Variants in RB1 observed in about 807,000 individuals in gnomAD.
RB1 encodes retinoblastoma-associated protein.
A neutral mutation model predicts 135.4 loss-of-function variants in RB1; 18 were observed. The observed-to-expected ratio is 0.13, with a 90% confidence interval of 0.09 to 0.20. RB1 has a LOEUF of 0.20. Ranked by LOEUF, RB1 falls within the 10% of genes least tolerant of loss-of-function variation. RB1 has a pLI of 1.00. For synonymous variants in RB1, 365 were observed against 373.2 expected (o/e 0.98, Z 0.25); for missense variants, 868 against 1,110.0 (o/e 0.78, Z 3.10).
chr13:48,394,896 C>T lies in RB1; in HGVS notation c.1695+13453C>T, dbSNP rs1007397163. 2.6e-5 allele frequency among the ~76,000 whole-genome samples: 4 copies of T among 152,344 alleles called. No individual in the cohort carries two copies. In the East Asian group the frequency reaches 7.7e-4, roughly 29 times the overall value. On this transcript the variant is annotated intron_variant, in intron 17 of 26. Coordinates refer to ENST00000267163, the MANE Select transcript of RB1 (RefSeq NM_000321.3). The stretch of plus-strand genomic sequence containing the variant: ...CTCCCAGCACAGTGCTCAAGCTCTG[C>T]TAAGGGACAGACTGTCTCCTCAAGT...
intron 17 of RB1, among the ~76,000 whole-genome samples, chr13:48,394,349 C>CT (rs1948632046): frequency 6.6e-6 from 1 of 152,176 alleles, no homozygotes; most frequent in Non-Finnish European, 1.5e-5. Flanking sequence ...ACCGAGCTAG[C>CT]TGTAGGAGTT....
chr13:48,317,208 C>T, intron 2 of RB1: 1 of 461,000 alleles, frequency 2.2e-6, no homozygotes, highest in Non-Finnish European at 3.6e-6. Flanking sequence ...AAGAGGCTGG[C>T]CTGCCTGCCC....
chr13:48,323,316 C>T (rs1301725997), intron 2 of RB1, among the ~76,000 whole-genome samples: 2 of 152,010 alleles, frequency 1.3e-5, no homozygotes, highest in Non-Finnish European at 2.9e-5. Flanking sequence ...AATAATTGTT[C>T]ATGGCATTGC....
At chr13:48,473,201 G>A (rs1370418007) in intron 23 of RB1, among the ~76,000 whole-genome samples, 159 bp from the exon 24 acceptor site, 1 of 152,114 alleles carries the variant, frequency 6.6e-6, no homozygotes, top group Non-Finnish European at 1.5e-5. Context: ...GGCACTGTTA[G>A]AATAATTCCC....
At chr13:48,379,518 T>C in intron 13 of RB1, 76 bp from the exon 14 acceptor site, 1 of 628,750 alleles carries the variant, frequency 1.6e-6, no homozygotes, top group Non-Finnish European at 2.4e-6. Flanking sequence ...AGACTCCATC[T>C]CAAAAAAAAA....
chr13:48,429,820 A>G (rs981860458), intron 17 of RB1, among the ~76,000 whole-genome samples: 3 of 152,200 alleles, frequency 2.0e-5, no homozygotes, highest in African/African-American at 7.2e-5. Context: ...GCAATAACAA[A>G]TAGTACAAAA....
At chr13:48,316,804 C>G (rs1952188329) in intron 2 of RB1, 1 of 248,186 alleles carries the variant, frequency 4.0e-6, no homozygotes, top group East Asian at 9.5e-5. Context: ...CACAGATACG[C>G]TCCTTTCCAC....
intron 19 of RB1, 25 bp downstream of exon 19, chr13:48,456,374 G>A (rs2138331795): frequency 6.2e-7 from 1 of 1,612,368 alleles, no homozygotes; most frequent in South Asian, 1.1e-5. Context: ...ATTTTCAAGA[G>A]CATGGACTCT....
chr13:48,437,441 C>A (rs1424717121), intron 17 of RB1, among the ~76,000 whole-genome samples: 3 of 152,218 alleles, frequency 2.0e-5, no homozygotes, highest in Non-Finnish European at 4.4e-5. Flanking sequence ...TTATCTCACA[C>A]AAATTCTGAA....
At chr13:48,463,677 G>A (rs2138342086) in intron 20 of RB1, 54 bp from the exon 21 acceptor site, 1 of 1,097,382 alleles carries the variant, frequency 9.1e-7, no homozygotes, top group African/African-American at 1.5e-5. Flanking sequence ...TATTTTTTAA[G>A]AACAAAACCA....
intron 2 of RB1, among the ~76,000 whole-genome samples, chr13:48,309,546 G>A (rs889192034): frequency 1.3e-5 from 2 of 152,086 alleles, no homozygotes; most frequent in South Asian, 4.1e-4. Context: ...ACTGACTTGG[G>A]TACCTCATGT....
chr13:48,459,903 T>C (rs1949387763), intron 20 of RB1, 70 bp downstream of exon 20: 3 of 460,352 alleles, frequency 6.5e-6, no homozygotes, highest in African/African-American at 4.2e-5. Flanking sequence ...CTTTCTTTCT[T>C]TCTTTCTTTC....
intron 3 of RB1, among the ~76,000 whole-genome samples, chr13:48,344,495 G>C (rs1000808298): frequency 6.6e-6 from 1 of 152,270 alleles, no homozygotes; most frequent in East Asian, 1.9e-4. Context: ...GCAGCCTGCT[G>C]TGGGGAGTCA....
intron 17 of RB1, among the ~76,000 whole-genome samples, chr13:48,449,506 T>C (rs1172008370): frequency 6.6e-6 from 1 of 152,192 alleles, no homozygotes; most frequent in Non-Finnish European, 1.5e-5. Context: ...TCTCACCTAC[T>C]GAGTAGGTTA....
At chr13:48,457,799 G>T (rs1027846406) in intron 19 of RB1, among the ~76,000 whole-genome samples, 6 of 152,252 alleles carry the variant, frequency 3.9e-5, no homozygotes, top group Non-Finnish European at 8.8e-5. Flanking sequence ...GCAGCACCCA[G>T]GCTCAGCCCT....
intron 13 of RB1, among the ~76,000 whole-genome samples, chr13:48,377,603 T>C (rs1179874786): frequency 6.6e-6 from 1 of 152,182 alleles, no homozygotes; most frequent in African/African-American, 2.4e-5. Flanking sequence ...TACAAAAATA[T>C]ATTGGAAAAC....
At chr13:48,419,111 A>G (rs1948963812) in intron 17 of RB1, among the ~76,000 whole-genome samples, 1 of 152,200 alleles carries the variant, frequency 6.6e-6, no homozygotes, top group South Asian at 2.1e-4. Flanking sequence ...CATCACACTT[A>G]TTCTAAAACT....
At chr13:48,437,972 G>A (rs1234164587) in intron 17 of RB1, among the ~76,000 whole-genome samples, 1 of 152,122 alleles carries the variant, frequency 6.6e-6, no homozygotes, top group East Asian at 1.9e-4. Flanking sequence ...GTGCTTTGCT[G>A]TAGTTAATTT....
At chr13:48,404,954 C>A (rs1431457118) in intron 17 of RB1, among the ~76,000 whole-genome samples, 4 of 152,000 alleles carry the variant, frequency 2.6e-5, no homozygotes, top group African/African-American at 9.7e-5. Flanking sequence ...TATTTTATAA[C>A]CTAAAATTTG....
Sources: gnomAD v4.1 joint callset for allele counts (sites outside exome capture counted in the v4.1 genomes callset) on GRCh38, gnomAD v4.1.1 for gene constraint, MANE v1.5 for transcripts, NCBI Gene and HGNC (gene_info 2026-07-23, HGNC 2026-07-21) for gene names.